Variants in KCTD1 observed in about 807,000 individuals in gnomAD.
KCTD1 encodes potassium channel tetramerization domain containing 1.
A neutral mutation model predicts 66.0 loss-of-function variants in KCTD1; 24 were observed. The observed-to-expected ratio is 0.36, with a 90% confidence interval of 0.26 to 0.51. The LOEUF is 0.51. Ranked by LOEUF, KCTD1 falls within the 20% of genes least tolerant of loss-of-function variation. The pLI, the probability that KCTD1 is intolerant of heterozygous loss-of-function variation, is 0.95. For missense variants in KCTD1, 943 were observed against 1,205.2 expected (o/e 0.78, Z 3.22); for synonymous variants, 511 against 517.2 (o/e 0.99, Z 0.16).
rs1271446474 is a variant in KCTD1, at chr18:26,590,934, T to C, written c.-16+38213A>G. ...AGTCCTGATGGTGAACCCCAAATCA[T>C]TGCTGCTTGTTTGACACACCAGGAA... On this transcript the variant is annotated intron_variant, in intron 1 of 4. Coordinates refer to the KCTD1 transcript ENST00000317932. Among the ~76,000 whole-genome samples, 24 of 152,308 alleles carry C rather than the reference T, an allele frequency of 1.6e-4. No homozygotes were observed. The East Asian group carries it at 4.4e-3, about 28-fold the overall frequency.
chr18:26,488,221 GGTT>G (rs779201522), intron 2 of KCTD1, among the ~76,000 whole-genome samples: 3 of 151,720 alleles, frequency 2.0e-5, no homozygotes, highest in Non-Finnish European at 4.4e-5. Context: ...AGGTTTCCTT[GGTT>G]GATACAACAA....
intron 1 of KCTD1, among the ~76,000 whole-genome samples, chr18:26,541,350 T>C (rs1478579945): frequency 6.6e-6 from 1 of 152,160 alleles, no homozygotes; most frequent in South Asian, 2.1e-4. Context: ...TAAAAGCACA[T>C]ATGATTAAAA....
intron 1 of KCTD1, among the ~76,000 whole-genome samples, chr18:26,507,119 T>C (rs571707359): frequency 2.6e-5 from 4 of 152,206 alleles, no homozygotes; most frequent in African/African-American, 7.2e-5. Context: ...TGAGCCAAGA[T>C]CGCGCCACTG....
intron 1 of KCTD1, among the ~76,000 whole-genome samples, chr18:26,619,098 G>GA (rs1328414229): frequency 6.6e-6 from 1 of 151,982 alleles, no homozygotes; most frequent in Non-Finnish European, 1.5e-5. Context: ...TTGAGTACTA[G>GA]AAAAAAAAGT....
intron 1 of KCTD1, among the ~76,000 whole-genome samples, chr18:26,592,376 CTCAGAA>C (rs1244433943): frequency 6.6e-6 from 1 of 152,210 alleles, no homozygotes; most frequent in East Asian, 1.9e-4. Context: ...AGAGGAAAAA[CTCAGAA>C]TTCTGCAGTC....
chr18:26,482,508 G>A (rs1258465850), intron 2 of KCTD1, among the ~76,000 whole-genome samples: 1 of 151,796 alleles, frequency 6.6e-6, no homozygotes, highest in Non-Finnish European at 1.5e-5. Flanking sequence ...ATTATGTGCT[G>A]TGTCCCTACA....
At chr18:26,507,120 C>T (rs184594575) in intron 1 of KCTD1, among the ~76,000 whole-genome samples, 38 of 152,224 alleles carry the variant, frequency 2.5e-4, no homozygotes, top group African/African-American at 8.2e-4. Flanking sequence ...GAGCCAAGAT[C>T]GCGCCACTGT....
At chr18:26,639,892 A>G (rs1987799942) in intron 1 of KCTD1, among the ~76,000 whole-genome samples, 1 of 152,212 alleles carries the variant, frequency 6.6e-6, no homozygotes, top group African/African-American at 2.4e-5. Flanking sequence ...ATCACACAGC[A>G]TAGAATCAAT....
At chr18:26,607,717 C>T (rs1006639430) in intron 1 of KCTD1, among the ~76,000 whole-genome samples, 18 of 151,996 alleles carry the variant, frequency 1.2e-4, no homozygotes, top group African/African-American at 4.4e-4. Flanking sequence ...GGTAATTTCC[C>T]GTATTGAACA....
chr18:26,628,062 G>A (rs1219329760), intron 1 of KCTD1, among the ~76,000 whole-genome samples: 1 of 152,134 alleles, frequency 6.6e-6, no homozygotes, highest in Non-Finnish European at 1.5e-5. Context: ...TGGGCTAGAG[G>A]CCCTCCTTTC....
chr18:26,657,270 C>T (rs574740927), intron 1 of KCTD1: 1 of 933,780 alleles, frequency 1.1e-6, no homozygotes, highest in Non-Finnish European at 1.3e-6. Context: ...TCGCCCCATG[C>T]CTGGCACATG....
At chr18:26,631,831 G>A (rs1057484370), upstream of KCTD1, among the ~76,000 whole-genome samples, 4 of 140,758 alleles carry the variant, frequency 2.8e-5, no homozygotes, top group African/African-American at 8.0e-5. Flanking sequence ...GGCGGATCAC[G>A]AGGTCAGGAG....
At chr18:26,578,880 A>G (rs1227616328) in intron 1 of KCTD1, among the ~76,000 whole-genome samples, 1 of 152,304 alleles carries the variant, frequency 6.6e-6, no homozygotes, top group East Asian at 1.9e-4. Context: ...AGTACTGGGG[A>G]GCATGAACAG....
intron 1 of KCTD1, among the ~76,000 whole-genome samples, chr18:26,649,499 G>C (rs1987988930): frequency 6.6e-6 from 1 of 151,970 alleles, no homozygotes; most frequent in African/African-American, 2.4e-5. Flanking sequence ...AGCAAAGACA[G>C]CTTTTTTGTT....
intron 1 of KCTD1, among the ~76,000 whole-genome samples, chr18:26,575,872 A>T (rs1208340622): frequency 6.6e-6 from 1 of 152,218 alleles, no homozygotes; most frequent in Non-Finnish European, 1.5e-5. Context: ...AGAGCCAAGG[A>T]TGAGGCTTTA....
chr18:26,606,530 T>C (rs1987019679), intron 1 of KCTD1, among the ~76,000 whole-genome samples: 1 of 152,190 alleles, frequency 6.6e-6, no homozygotes, highest in African/African-American at 2.4e-5. Flanking sequence ...AATAACTACA[T>C]GCTAGTTCTG....
At chr18:26,502,515 T>G (rs1413059443) in intron 1 of KCTD1, among the ~76,000 whole-genome samples, 1 of 152,080 alleles carries the variant, frequency 6.6e-6, no homozygotes, top group Non-Finnish European at 1.5e-5. Flanking sequence ...CTTGAGAAAA[T>G]AAATTATTAC....
intron 1 of KCTD1, among the ~76,000 whole-genome samples, chr18:26,603,292 C>T (rs779420532): frequency 1.7e-4 from 26 of 151,798 alleles, no homozygotes; most frequent in Non-Finnish European, 2.6e-4. Context: ...ACTAGCCAGA[C>T]ATGGTGGTAC....
intron 3 of KCTD1, among the ~76,000 whole-genome samples, chr18:26,461,929 C>T (rs1343126610): frequency 1.3e-5 from 2 of 152,088 alleles, no homozygotes; most frequent in East Asian, 3.9e-4. Context: ...CCAGCCTGGC[C>T]AACATGACGA....
Sources: allele counts gnomAD v4.1 joint callset (sites outside exome capture counted in the v4.1 genomes callset), GRCh38; gene constraint gnomAD v4.1.1; transcripts MANE v1.5; gene names NCBI Gene and HGNC (gene_info 2026-07-23, HGNC 2026-07-21).